The following ANXA10 variants were observed in gnomAD, a reference collection of about 807,000 sequenced individuals.
ANXA10 encodes annexin A10.
In ANXA10, 49 loss-of-function variants were observed where a neutral mutation model predicts 53.5. The observed-to-expected ratio is 0.92, with a 90% CI of 0.73 to 1.16. The LOEUF (loss-of-function observed/expected upper bound fraction) is 1.16, where lower values mean the gene tolerates loss of function less well. ANXA10 is among the 50% of genes most tolerant of loss of function. ANXA10 has a pLI of 0.00. For missense variants in ANXA10, 393 were observed against 394.4 expected (o/e 1.00, Z 0.03); for synonymous variants, 131 against 128.9 (o/e 1.02, Z -0.11).
intron 3 of ANXA10, among the ~76,000 whole-genome samples, chr4:168,156,318 A>ATATTATATATAATAGT (rs1731677070): frequency 2.9e-4 from 2 of 6,874 alleles, no homozygotes; most frequent in Non-Finnish European, 6.5e-4. Context: ...TAGTATATAT[A>ATATTATATATAATAGT]ATATATAATA....
intron 1 of ANXA10, among the ~76,000 whole-genome samples, chr4:168,118,165 G>A (rs1487535441): frequency 6.6e-6 from 1 of 151,788 alleles, no homozygotes; most frequent in Non-Finnish European, 1.5e-5. Context: ...GACCTTCTGT[G>A]TATAAGGATT....
intron 6 of ANXA10, among the ~76,000 whole-genome samples, chr4:168,165,956 C>T (rs1023401186): frequency 1.8e-4 from 27 of 152,170 alleles, no homozygotes; most frequent in Admixed American, 1.0e-3. Flanking sequence ...GAATTACAGG[C>T]GTGAGCCACC....
At chr4:168,102,959 A>T (rs1270782934) in intron 1 of ANXA10, among the ~76,000 whole-genome samples, 1 of 152,036 alleles carries the variant, frequency 6.6e-6, no homozygotes, top group African/African-American at 2.4e-5. Flanking sequence ...TCATATCTTC[A>T]TGTGCTCATT....
intron 10 of ANXA10, among the ~76,000 whole-genome samples, chr4:168,182,347 T>G (rs1189561039): frequency 2.3e-5 from 3 of 133,162 alleles, no homozygotes; most frequent in African/African-American, 8.5e-5. Context: ...TTTTTTTTTT[T>G]TGAGATGGAG....
At chr4:168,171,327 C>T (rs1032353039) in intron 6 of ANXA10, among the ~76,000 whole-genome samples, 2 of 152,154 alleles carry the variant, frequency 1.3e-5, no homozygotes, top group Admixed American at 1.3e-4. Context: ...TTATGAGATT[C>T]AGGTTTTTAC....
At chr4:168,104,876 A>G (rs1413237699) in intron 1 of ANXA10, among the ~76,000 whole-genome samples, 1 of 151,510 alleles carries the variant, frequency 6.6e-6, no homozygotes, top group Non-Finnish European at 1.5e-5. Context: ...CTTGCATTGC[A>G]TGTAAATTTC....
At chr4:168,165,118 A>AGGTGGTT (rs1731851211) in intron 5 of ANXA10, 129 bp from the exon 6 acceptor site, 4 of 454,808 alleles carry the variant, frequency 8.8e-6, no homozygotes, top group Non-Finnish European at 1.6e-5. Context: ...ATTGACAAAG[A>AGGTGGTT]AATGTCAACA....
At chr4:168,132,514 T>C (rs576762432) in intron 2 of ANXA10, among the ~76,000 whole-genome samples, 10 of 152,094 alleles carry the variant, frequency 6.6e-5, no homozygotes, top group Admixed American at 6.6e-4. Context: ...TCGAGGATGG[T>C]TCATGGGTAC....
At chr4:168,125,787 A>G (rs912841783) in intron 1 of ANXA10, among the ~76,000 whole-genome samples, 3 of 152,224 alleles carry the variant, frequency 2.0e-5, no homozygotes, top group Non-Finnish European at 2.9e-5. Context: ...AATTTTAAAC[A>G]TACAATTACT....
Position 168,107,499 on chromosome 4 carries a change from C to G in ANXA10, c.18+14781C>G, listed in dbSNP as rs2149465551. Among the ~76,000 whole-genome samples the G allele has an allele frequency of 2.0e-5, 3 of 152,224 alleles. No individual in the cohort carries two copies. In the Middle Eastern group the frequency reaches 0.01, roughly 518 times the overall value. ...ATTACTGGTGGCAAAAACCATATGC[C>G]TTTATTTCATTCTTAAATTGTTCAT... On this transcript the variant is annotated intron_variant, in intron 1 of 11. Transcript: ENST00000359299.
chr4:168,132,072 T>C (rs555167019), intron 2 of ANXA10, among the ~76,000 whole-genome samples: 1 of 152,194 alleles, frequency 6.6e-6, no homozygotes, highest in African/African-American at 2.4e-5. Flanking sequence ...TAAAGGTTCC[T>C]CAAAAAAATT....
At chr4:168,142,686 C>T (rs542240988) in intron 3 of ANXA10, among the ~76,000 whole-genome samples, 9 of 152,224 alleles carry the variant, frequency 5.9e-5, no homozygotes, top group Non-Finnish European at 1.3e-4. Flanking sequence ...GTCTGTCTAG[C>T]ATACCAAGAT....
chr4:168,141,858 C>T (rs539657956), intron 3 of ANXA10, among the ~76,000 whole-genome samples: 1 of 152,184 alleles, frequency 6.6e-6, no homozygotes, highest in South Asian at 2.1e-4. Context: ...TGCCGTAAGC[C>T]CTTGCCTTTT....
intron 1 of ANXA10, among the ~76,000 whole-genome samples, chr4:168,109,411 A>T (rs1204907539): frequency 6.6e-6 from 1 of 152,202 alleles, no homozygotes; most frequent in East Asian, 1.9e-4. Context: ...TGTAGCTATT[A>T]CATTTTTTAA....
chr4:168,096,154 T>C (rs1730537129), intron 1 of ANXA10, among the ~76,000 whole-genome samples: 1 of 152,166 alleles, frequency 6.6e-6, no homozygotes, highest in Non-Finnish European at 1.5e-5. Context: ...AGACATCTCA[T>C]GGGAGGAGAG....
chr4:168,140,616 G>A (rs1156928102), intron 3 of ANXA10, among the ~76,000 whole-genome samples: 1 of 142,102 alleles, frequency 7.0e-6, no homozygotes, highest in African/African-American at 2.8e-5. Context: ...TATAAGAAAT[G>A]TCTTTTTTTT....
At chr4:168,130,238 T>A (rs1444985550) in intron 2 of ANXA10, among the ~76,000 whole-genome samples, 1 of 152,154 alleles carries the variant, frequency 6.6e-6, no homozygotes, top group Non-Finnish European at 1.5e-5. Context: ...CACATGATTT[T>A]TCTCCTTTTT....
At chr4:168,112,305 G>A (rs1730821228) in intron 1 of ANXA10, among the ~76,000 whole-genome samples, 2 of 151,884 alleles carry the variant, frequency 1.3e-5, no homozygotes, top group African/African-American at 2.4e-5. Flanking sequence ...CTGGGGTGGC[G>A]GGCTGGGGGG....
At chr4:168,184,055 T>G (rs1203549385) in intron 10 of ANXA10, among the ~76,000 whole-genome samples, 1 of 152,240 alleles carries the variant, frequency 6.6e-6, no homozygotes, top group Non-Finnish European at 1.5e-5. Context: ...TAATTTTTTA[T>G]AATTTATCAA....
Sources: allele counts gnomAD v4.1 joint callset (sites outside exome capture counted in the v4.1 genomes callset), GRCh38; gene constraint gnomAD v4.1.1; transcripts MANE v1.5; gene names NCBI Gene and HGNC (gene_info 2026-07-23, HGNC 2026-07-21).